Variants in GPC6 observed in about 807,000 individuals in gnomAD.
GPC6 encodes the protein glypican 6.
A neutral mutation model predicts 55.2 loss-of-function variants in GPC6; 14 were observed. That is an observed-to-expected ratio of 0.25 (90% CI 0.17 to 0.40). GPC6 has a LOEUF of 0.40. Among genes scored for constraint, GPC6 ranks in the 10% least tolerant of loss-of-function variants. The probability of loss-of-function intolerance (pLI) is 1.00; values close to 1 mark genes in which losing one functional copy is unlikely to be tolerated. For missense variants in GPC6, 641 were observed against 708.5 expected (o/e 0.90, Z 1.08); for synonymous variants, 278 against 259.6 (o/e 1.07, Z -0.68).
At chr13:93,965,942 T>C (rs1302205353) in intron 3 of GPC6, among the ~76,000 whole-genome samples, 4 of 152,148 alleles carry the variant, frequency 2.6e-5, no homozygotes, top group Non-Finnish European at 5.9e-5. Flanking sequence ...AGATCCAGCC[T>C]GGCCAGCCCT....
intron 2 of GPC6, among the ~76,000 whole-genome samples, chr13:93,694,699 T>G (rs1882385369): frequency 6.6e-6 from 1 of 152,154 alleles, no homozygotes; most frequent in South Asian, 2.1e-4. Flanking sequence ...CCGCACAACT[T>G]TATTGAAAAC....
chr13:93,733,602 A>G (rs1883901955), intron 2 of GPC6, among the ~76,000 whole-genome samples: 2 of 152,096 alleles, frequency 1.3e-5, no homozygotes, highest in East Asian at 3.9e-4. Flanking sequence ...TGAGAAGTCA[A>G]GGATCTTAGC....
At chr13:93,538,272 G>A (rs1005962117) in intron 1 of GPC6, among the ~76,000 whole-genome samples, 13 of 152,172 alleles carry the variant, frequency 8.5e-5, no homozygotes, top group South Asian at 4.1e-4. Context: ...TTCTCCATGT[G>A]TGTAGAAGTT....
At chr13:93,604,938 T>G (rs1878177224) in intron 2 of GPC6, among the ~76,000 whole-genome samples, 1 of 152,196 alleles carries the variant, frequency 6.6e-6, no homozygotes. Context: ...TTTTGTAAAT[T>G]CAAAAACTTG....
At chr13:93,796,027 A>T (rs1427065206) in intron 2 of GPC6, among the ~76,000 whole-genome samples, 1 of 140,432 alleles carries the variant, frequency 7.1e-6, no homozygotes. Context: ...CCGAGAAAAG[A>T]AAAAAAAAAA....
At chr13:93,897,334 T>C (rs1876072771) in intron 3 of GPC6, among the ~76,000 whole-genome samples, 1 of 152,040 alleles carries the variant, frequency 6.6e-6, no homozygotes, top group African/African-American at 2.4e-5. Flanking sequence ...CAAATGTGTG[T>C]GTCAAATTTT....
intron 3 of GPC6, among the ~76,000 whole-genome samples, chr13:93,972,497 T>C (rs1439929984): frequency 6.6e-6 from 1 of 152,056 alleles, no homozygotes; most frequent in Non-Finnish European, 1.5e-5. Context: ...TGCTTTCAGG[T>C]TCCCCCCACT....
intron 3 of GPC6, among the ~76,000 whole-genome samples, chr13:93,897,874 A>G (rs1189473626): frequency 6.6e-6 from 1 of 152,136 alleles, no homozygotes; most frequent in Non-Finnish European, 1.5e-5. Context: ...TGTATTTATT[A>G]GTTCACATAT....
chr13:93,453,405 T>C (rs977140332), intron 1 of GPC6, among the ~76,000 whole-genome samples: 4 of 151,884 alleles, frequency 2.6e-5, no homozygotes, highest in Non-Finnish European at 5.9e-5. Flanking sequence ...CTTTGTGGAG[T>C]GCTTACCATG....
intron 1 of GPC6, among the ~76,000 whole-genome samples, chr13:93,328,885 C>A (rs935938689): frequency 6.6e-6 from 1 of 152,084 alleles, no homozygotes; most frequent in Non-Finnish European, 1.5e-5. Context: ...AATACCTCTA[C>A]AGTTTCTGTT....
At chr13:93,534,431 A>C (rs1029581049) in intron 1 of GPC6, among the ~76,000 whole-genome samples, 2 of 152,222 alleles carry the variant, frequency 1.3e-5, no homozygotes, top group South Asian at 2.1e-4. Context: ...TGTGCATCGC[A>C]AGGTCCCTGA....
At chr13:94,193,159 C>T (rs1889455620) in intron 4 of GPC6, among the ~76,000 whole-genome samples, 2 of 151,674 alleles carry the variant, frequency 1.3e-5, no homozygotes, top group Admixed American at 6.6e-5. Flanking sequence ...TCTTCTTTGC[C>T]ACAATTAGAG....
At chr13:93,756,373 C>G (rs1191914879) in intron 2 of GPC6, among the ~76,000 whole-genome samples, 1 of 152,184 alleles carries the variant, frequency 6.6e-6, no homozygotes, top group Non-Finnish European at 1.5e-5. Flanking sequence ...TGAAATATCA[C>G]AGTGCAGTCT....
At chr13:94,280,308 G>C (rs1306426656) in intron 4 of GPC6, among the ~76,000 whole-genome samples, 2 of 152,072 alleles carry the variant, frequency 1.3e-5, no homozygotes, top group Non-Finnish European at 2.9e-5. Flanking sequence ...CTCCTAAAAG[G>C]GCTGGGACCT....
At chr13:93,934,677 G>A (rs1004537058) in intron 3 of GPC6, among the ~76,000 whole-genome samples, 3 of 151,034 alleles carry the variant, frequency 2.0e-5, no homozygotes, top group African/African-American at 7.4e-5. Flanking sequence ...TCATCTGAAT[G>A]TTTTATATAT....
chr13:93,577,398 T>A (rs563867584), intron 2 of GPC6, among the ~76,000 whole-genome samples: 1 of 152,248 alleles, frequency 6.6e-6, no homozygotes, highest in African/African-American at 2.4e-5. Context: ...CTGCTGTGAC[T>A]TTTCCTAGTT....
chr13:94,373,819 G>T (rs1229631410), intron 6 of GPC6, among the ~76,000 whole-genome samples: 1 of 152,082 alleles, frequency 6.6e-6, no homozygotes, highest in African/African-American at 2.4e-5. Context: ...AGAGAGAAAG[G>T]TCGGGTTACC....
chr13:93,764,612 C>G lies in GPC6; in HGVS notation c.320-65542C>G, dbSNP rs1168422210. On this transcript the variant is annotated intron_variant, in intron 2 of 8. Coordinates refer to ENST00000377047, the MANE Select transcript of GPC6 (RefSeq NM_005708.5). ...CACACACACACACACACACACACAC[C>G]ACACACACTCACAAAGGCCACCTAT... Among the ~76,000 whole-genome samples, 3 of 137,612 alleles carry G rather than the reference C, an allele frequency of 2.2e-5. No individual in the cohort carries two copies. In the East Asian group the frequency reaches 6.4e-4, roughly 29 times the overall value. The allele number at this position is 137,612 out of a possible 152,430, so 90.3% of individuals were successfully genotyped here. A position where few individuals can be genotyped will look rare whatever the true frequency, so the allele number is the denominator to read the frequency against.
At position 93,985,074 on chromosome 13, in the gene GPC6, G is replaced by A. The variant is rs116443363; in HGVS notation, c.712-42655G>A. On this transcript the variant is annotated intron_variant, in intron 3 of 8. Coordinates refer to ENST00000377047, the MANE Select transcript of GPC6 (RefSeq NM_005708.5). ...TCTTACTGCTCTGCTATCCTGTAAT[G>A]TGACTACCTATGGGCCCAAGGTATT... Among the ~76,000 whole-genome samples the A allele has an allele frequency of 3.5e-3, 536 of 152,260 alleles. 5 individuals carry two copies. The highest frequency in any genetic ancestry group is 0.013 in the African/African-American group (520 of 41,548).
Sources: allele counts gnomAD v4.1 joint callset (sites outside exome capture counted in the v4.1 genomes callset), GRCh38; gene constraint gnomAD v4.1.1; transcripts MANE v1.5; gene names NCBI Gene and HGNC (gene_info 2026-07-23, HGNC 2026-07-21).